NDFIP2: variants seen among roughly 807,000 people sequenced by gnomAD.
NDFIP2 encodes the protein NEDD4 family-interacting protein 2.
NDFIP2 carries 19 observed loss-of-function variants against 36.0 expected under a neutral mutation model. The ratio of observed to expected loss-of-function variants is 0.53; its 90% CI spans 0.37 to 0.77. The LOEUF is 0.77. Among genes scored for constraint, NDFIP2 ranks in the 30% least tolerant of loss-of-function variants. NDFIP2 has a pLI of 0.00. For missense variants in NDFIP2, 446 were observed against 435.8 expected (o/e 1.02, Z -0.21); for synonymous variants, 181 against 167.7 (o/e 1.08, Z -0.61).
chr13:79,512,634 G>A (rs1379577455), intron 1 of NDFIP2, among the ~76,000 whole-genome samples: 2 of 152,178 alleles, frequency 1.3e-5, no homozygotes, highest in Non-Finnish European at 2.9e-5. Context: ...TTGTGGAAAG[G>A]TATATTGATG....
chr13:79,542,624 A>G (rs17508336), intron 4 of NDFIP2, among the ~76,000 whole-genome samples: 6,644 of 151,344 alleles, frequency 0.044, 201 homozygotes, highest in Non-Finnish European at 0.068. Flanking sequence ...TCTTTTGAGC[A>G]CCTACCATAT....
intron 1 of NDFIP2, among the ~76,000 whole-genome samples, chr13:79,508,453 T>A (rs1873953336): frequency 1.3e-5 from 2 of 152,220 alleles, no homozygotes; most frequent in African/African-American, 4.8e-5. Context: ...TTGCTCATAT[T>A]TATTGTTATT....
chr13:79,546,766 T>A (rs1056588050), intron 5 of NDFIP2, among the ~76,000 whole-genome samples: 4 of 152,196 alleles, frequency 2.6e-5, no homozygotes, highest in East Asian at 1.9e-4. Flanking sequence ...GATGTTCAGG[T>A]TACCTGTTAC....
intron 6 of NDFIP2, among the ~76,000 whole-genome samples, chr13:79,549,699 GAAAACAGCAGCTTTAGAGAC>G (rs1566669728): frequency 6.6e-6 from 1 of 151,790 alleles, no homozygotes; most frequent in Non-Finnish European, 1.5e-5. Flanking sequence ...ATGTGTGTTA[GAAAACAGCAGCTTTAGAGAC>G]AAAGGAAGGG....
chr13:79,496,054 C>T (rs1161333702), intron 1 of NDFIP2, among the ~76,000 whole-genome samples: 1 of 151,784 alleles, frequency 6.6e-6, no homozygotes, highest in Non-Finnish European at 1.5e-5. Context: ...TAATTTTTGT[C>T]TTAAATCATA....
chr13:79,488,293 C>CT (rs1873097331), intron 1 of NDFIP2, among the ~76,000 whole-genome samples: 1 of 151,984 alleles, frequency 6.6e-6, no homozygotes, highest in South Asian at 2.1e-4. Context: ...GGGTAAATTG[C>CT]TTTTAAACAT....
chr13:79,497,790 TGGGG>T (rs60067085), intron 1 of NDFIP2, among the ~76,000 whole-genome samples: 15,836 of 143,126 alleles, frequency 0.11, 1,002 homozygotes, highest in African/African-American at 0.16. Flanking sequence ...CCTTTATCTG[TGGGG>T]GGTGTGTGTG....
intron 6 of NDFIP2, among the ~76,000 whole-genome samples, chr13:79,549,322 G>T (rs1028390518): frequency 1.3e-5 from 2 of 151,874 alleles, no homozygotes; most frequent in Admixed American, 6.6e-5. Context: ...CCTGAATGCC[G>T]TGTTCTTTAT....
At chr13:79,492,649 G>A (rs868537908) in intron 1 of NDFIP2, among the ~76,000 whole-genome samples, 4 of 152,086 alleles carry the variant, frequency 2.6e-5, no homozygotes, top group South Asian at 2.1e-4. Context: ...GCTTCCCAAA[G>A]TGCTGGGATT....
At chr13:79,530,508 A>G (rs1189841592) in intron 2 of NDFIP2, among the ~76,000 whole-genome samples, 1 of 152,242 alleles carries the variant, frequency 6.6e-6, no homozygotes, top group African/African-American at 2.4e-5. Context: ...TGTAGCATGC[A>G]GTGCTGTTTA....
chr13:79,506,710 A>C (rs1319113107), intron 1 of NDFIP2, among the ~76,000 whole-genome samples: 1 of 152,166 alleles, frequency 6.6e-6, no homozygotes, highest in Non-Finnish European at 1.5e-5. Flanking sequence ...CTTACCAACC[A>C]GTAATAACCT....
intron 1 of NDFIP2, among the ~76,000 whole-genome samples, chr13:79,497,962 T>TAATAGTGGCTTGGATTAG: frequency 6.6e-6 from 1 of 151,940 alleles, no homozygotes; most frequent in East Asian, 1.9e-4. Context: ...AGGTAAAGGA[T>TAATAGTGGCTTGGATTAG]AATAGTGGCT....
At chr13:79,490,353 T>G (rs1403185559) in intron 1 of NDFIP2, among the ~76,000 whole-genome samples, 1 of 152,172 alleles carries the variant, frequency 6.6e-6, no homozygotes, top group Non-Finnish European at 1.5e-5. Flanking sequence ...TAAACCCCAA[T>G]CATGGATTCC....
chr13:79,531,958 C>G (rs1875034336), intron 2 of NDFIP2, among the ~76,000 whole-genome samples: 1 of 152,214 alleles, frequency 6.6e-6, no homozygotes. Flanking sequence ...TTTTGCCATG[C>G]TGTCCTTGCT....
intron 1 of NDFIP2, among the ~76,000 whole-genome samples, chr13:79,493,477 G>A (rs928071585): frequency 1.4e-4 from 22 of 152,258 alleles, no homozygotes; most frequent in African/African-American, 5.1e-4. Flanking sequence ...AGTAACCATG[G>A]TTAGGTTATT....
At position 79,481,225 on chromosome 13, in the gene NDFIP2, C is replaced by G. The variant is rs1305232370; in HGVS notation, c.22C>G (p.Arg8Gly). Residue 8 changes from arginine (R) to glycine (G), a missense_variant, in exon 1 of 8, where the codon CGA (arginine) becomes GGA (glycine). Around this residue, in one of 2 missense-constraint regions of NDFIP2, gnomAD observed 369 missense variants for 304.8 expected, o/e 1.21. Coordinates refer to ENST00000218652, the MANE Select transcript of NDFIP2 (RefSeq NM_019080.3). MARRRSQ[R>G]VCASGPSMLN... ...GCGGATGGCACGCCGGCGGAGCCAG[C>G]GAGTCTGCGCGAGCGGTCCGAGCAT... The G allele has an allele frequency of 2.0e-6, 3 of 1,518,186 alleles. No individual in the cohort carries two copies. Among genetic ancestry groups the G allele is most frequent in the Non-Finnish European group, 2.6e-6 (3 of 1,139,132 alleles). 94.0% of individuals were successfully genotyped at this position (1,518,186 alleles called of 1,614,324 possible).
intron 1 of NDFIP2, among the ~76,000 whole-genome samples, chr13:79,501,591 A>G (rs1459720535): frequency 6.6e-6 from 1 of 152,116 alleles, no homozygotes; most frequent in Non-Finnish European, 1.5e-5. Context: ...TTCGTCTTCG[A>G]TATTCTGAAG....
At chr13:79,537,736 A>G (rs933638261) in intron 3 of NDFIP2, among the ~76,000 whole-genome samples, 2 of 152,196 alleles carry the variant, frequency 1.3e-5, no homozygotes, top group Admixed American at 6.5e-5. Context: ...CCTGGATTCA[A>G]GTTCCACTTT....
chr13:79,536,976 C>G (rs1875265453), intron 3 of NDFIP2, among the ~76,000 whole-genome samples: 1 of 151,680 alleles, frequency 6.6e-6, no homozygotes. Flanking sequence ...TGTAGTGATC[C>G]CGGATGAAGA....
Sources: allele counts gnomAD v4.1 joint callset (sites outside exome capture counted in the v4.1 genomes callset), GRCh38; gene constraint gnomAD v4.1.1; regional missense constraint gnomAD v4.1.1; transcripts MANE v1.5; gene names NCBI Gene and HGNC (gene_info 2026-07-23, HGNC 2026-07-21).